The following ARL15 variants were observed in gnomAD, a reference collection of about 807,000 sequenced individuals.
ARL15 encodes ARF like GTPase 15.
In ARL15, 19 loss-of-function variants were observed where a neutral mutation model predicts 25.2. The ratio of observed to expected loss-of-function variants is 0.75; its 90% confidence interval spans 0.53 to 1.10. ARL15 has a LOEUF of 1.10. Ranked by LOEUF, ARL15 falls within the 50% of genes least tolerant of loss-of-function variation. The pLI, the probability that ARL15 is intolerant of heterozygous loss-of-function variation, is 0.00. For missense variants in ARL15, 220 were observed against 246.0 expected (o/e 0.89, Z 0.71); for synonymous variants, 94 against 86.8 (o/e 1.08, Z -0.46).
At chr5:53,918,776 A>C (rs1745742726) in intron 4 of ARL15, among the ~76,000 whole-genome samples, 1 of 152,160 alleles carries the variant, frequency 6.6e-6, no homozygotes, top group South Asian at 2.1e-4. Context: ...GAGTATCTGG[A>C]AGCAAAAGAG....
At chr5:54,045,315 A>T (rs542790063) in intron 4 of ARL15, among the ~76,000 whole-genome samples, 1 of 152,312 alleles carries the variant, frequency 6.6e-6, no homozygotes, top group South Asian at 2.1e-4. Flanking sequence ...AATCATGCTG[A>T]TTGCTTGAAA....
intron 1 of ARL15, among the ~76,000 whole-genome samples, chr5:54,187,154 G>A (rs1190981465): frequency 6.6e-6 from 1 of 152,146 alleles, no homozygotes; most frequent in East Asian, 1.9e-4. Context: ...TATGCTAACT[G>A]CTTGCCACCC....
chr5:54,156,106 T>C (rs1435569298), intron 2 of ARL15, among the ~76,000 whole-genome samples: 1 of 152,230 alleles, frequency 6.6e-6, no homozygotes, highest in Non-Finnish European at 1.5e-5. Flanking sequence ...TTTTGCTTTA[T>C]AAAGAAGGAA....
At chr5:53,992,668 A>T (rs1291690823) in intron 4 of ARL15, among the ~76,000 whole-genome samples, 1 of 152,194 alleles carries the variant, frequency 6.6e-6, no homozygotes, top group Admixed American at 6.6e-5. Flanking sequence ...TAGTACCAAC[A>T]ATGTCATGGA....
intron 4 of ARL15, among the ~76,000 whole-genome samples, chr5:54,006,051 CAAAAAAAAAAAAA>C (rs56094450): frequency 3.5e-5 from 2 of 57,568 alleles, no homozygotes; most frequent in African/African-American, 7.1e-5. Context: ...ATTACATCTC[CAAAAAAAAAAAAA>C]AAAAAAAAAA....
chr5:54,170,190 C>G (rs934463323), intron 2 of ARL15, among the ~76,000 whole-genome samples: 2 of 152,162 alleles, frequency 1.3e-5, no homozygotes, highest in African/African-American at 4.8e-5. Flanking sequence ...CCCAACTACA[C>G]TAGGCTTTGT....
intron 4 of ARL15, among the ~76,000 whole-genome samples, chr5:53,952,736 AC>A (rs1393844758): frequency 6.6e-6 from 1 of 152,184 alleles, no homozygotes; most frequent in Non-Finnish European, 1.5e-5. Flanking sequence ...TGTGCCAATG[AC>A]TTTTTATTAT....
chr5:54,114,417 A>AAAAATAAAAAT (rs1554041184), intron 3 of ARL15, among the ~76,000 whole-genome samples: 4 of 148,964 alleles, frequency 2.7e-5, no homozygotes. Flanking sequence ...AAAAAAAAAA[A>AAAAATAAAAAT]AAAAAGCAAC....
At chr5:54,294,067 G>A (rs1265190332) in intron 1 of ARL15, among the ~76,000 whole-genome samples, 3 of 152,074 alleles carry the variant, frequency 2.0e-5, no homozygotes, top group African/African-American at 4.8e-5. Context: ...CGCCTGCCTC[G>A]GCCTCCCAAA....
At chr5:53,891,479 A>C (rs1744706288) in intron 4 of ARL15, among the ~76,000 whole-genome samples, 1 of 152,128 alleles carries the variant, frequency 6.6e-6, no homozygotes, top group Non-Finnish European at 1.5e-5. Context: ...AGAAATGAAA[A>C]CAACCTGCAC....
At chr5:54,233,747 T>C (rs1006370603) in intron 1 of ARL15, among the ~76,000 whole-genome samples, 20 of 152,212 alleles carry the variant, frequency 1.3e-4, no homozygotes, top group African/African-American at 4.8e-4. Context: ...CTCACAATTA[T>C]CAGAAAAGGC....
chr5:54,179,486 T>C (rs1178791522), intron 1 of ARL15, among the ~76,000 whole-genome samples: 7 of 152,130 alleles, frequency 4.6e-5, no homozygotes, highest in Non-Finnish European at 7.4e-5. Flanking sequence ...GGCCAAAGTA[T>C]CTCTCATTCC....
At position 53,884,544 on chromosome 5, in the gene ARL15, G is replaced by A. The variant is rs1744456958; in HGVS notation, c.*2017C>T. ...CTTATTGACAGTTGTAAAGCATTAG[G>A]CGTCAGACAGAAACTTGTCAAAAAC... is the stretch of plus-strand genomic sequence containing the variant. On this transcript the variant is annotated 3_prime_UTR_variant, in exon 5 of 5. Transcript: ENST00000504924. 2 of 152,076 alleles carry A rather than the reference G, an allele frequency of 1.3e-5. No homozygotes were observed. The highest frequency in any genetic ancestry group is 6.6e-5 in the Admixed American group (1 of 15,260). 9.4% of individuals were successfully genotyped at this position (152,076 alleles called of 1,614,324 possible).
intron 1 of ARL15, among the ~76,000 whole-genome samples, chr5:54,193,957 T>A (rs765711830): frequency 6.6e-6 from 1 of 152,158 alleles, no homozygotes; most frequent in African/African-American, 2.4e-5. Context: ...ATTGGGGGCA[T>A]GGATGATATT....
intron 4 of ARL15, among the ~76,000 whole-genome samples, chr5:54,105,635 T>C (rs565761613): frequency 6.6e-6 from 1 of 152,294 alleles, no homozygotes; most frequent in African/African-American, 2.4e-5. Flanking sequence ...CAGGCTACAA[T>C]GCAGTTGTGT....
intron 4 of ARL15, among the ~76,000 whole-genome samples, chr5:53,942,202 TGTG>T (rs1480772131): frequency 6.6e-6 from 1 of 151,122 alleles, no homozygotes; most frequent in Non-Finnish European, 1.5e-5. Flanking sequence ...CTAGGTAAAT[TGTG>T]GGGTGGGTGG....
chr5:54,225,350 A>T (rs1756490091), intron 1 of ARL15, among the ~76,000 whole-genome samples: 1 of 152,188 alleles, frequency 6.6e-6, no homozygotes. Context: ...TGTACTAAGC[A>T]TTAACACCTG....
At chr5:53,925,617 A>G (rs903158579) in intron 4 of ARL15, among the ~76,000 whole-genome samples, 8 of 152,174 alleles carry the variant, frequency 5.3e-5, no homozygotes, top group African/African-American at 1.9e-4. Context: ...TGCCTGGGTA[A>G]TATAGCAAGA....
chr5:54,084,355 G>T (rs1040037406), intron 4 of ARL15, among the ~76,000 whole-genome samples: 1 of 149,532 alleles, frequency 6.7e-6, no homozygotes, highest in Non-Finnish European at 1.5e-5. Flanking sequence ...TAGTCTTAGA[G>T]ATCTGGAGAC....
Sources: gnomAD v4.1 joint callset for allele counts (sites outside exome capture counted in the v4.1 genomes callset) on GRCh38, gnomAD v4.1.1 for gene constraint, MANE v1.5 for transcripts, NCBI Gene and HGNC (gene_info 2026-07-23, HGNC 2026-07-21) for gene names.